The following CDH20 variants were observed in gnomAD, a reference collection of about 807,000 sequenced individuals.
CDH20 encodes cadherin 20.
In CDH20, 29 loss-of-function variants were observed where a neutral mutation model predicts 74.2. The ratio of observed to expected loss-of-function variants is 0.39; its 90% CI spans 0.29 to 0.53. The LOEUF (loss-of-function observed/expected upper bound fraction) is 0.53. Ranked by LOEUF, CDH20 falls within the 20% of genes least tolerant of loss-of-function variation. CDH20 has a pLI of 0.69. For synonymous variants in CDH20, 469 were observed against 405.4 expected (o/e 1.16, Z -1.88); for missense variants, 988 against 1,048.3 (o/e 0.94, Z 0.79).
intron 4 of CDH20, among the ~76,000 whole-genome samples, chr18:61,502,111 T>C (rs1242843054): frequency 1.3e-5 from 2 of 152,218 alleles, no homozygotes; most frequent in African/African-American, 4.8e-5. Flanking sequence ...GTTGTAAAGC[T>C]GTAGTAAGTA....
chr18:61,434,888 A>G (rs1908780450), intron 1 of CDH20, among the ~76,000 whole-genome samples: 2 of 152,164 alleles, frequency 1.3e-5, no homozygotes, highest in Non-Finnish European at 2.9e-5. Flanking sequence ...TTCCTTTAGA[A>G]TATTTTCTCT....
intron 1 of CDH20, among the ~76,000 whole-genome samples, chr18:61,479,670 CCCCT>C (rs1376990792): frequency 6.6e-6 from 1 of 151,868 alleles, no homozygotes; most frequent in Non-Finnish European, 1.5e-5. Flanking sequence ...CTATTTTTCC[CCCCT>C]AATGCTCAAA....
chr18:61,423,436 A>G (rs1475510765), intron 1 of CDH20, among the ~76,000 whole-genome samples: 1 of 152,076 alleles, frequency 6.6e-6, no homozygotes, highest in Non-Finnish European at 1.5e-5. Context: ...GTACAATCCC[A>G]TTCACTTGTT....
At chr18:61,489,110 C>T (rs1910870122) in intron 1 of CDH20, among the ~76,000 whole-genome samples, 1 of 152,232 alleles carries the variant, frequency 6.6e-6, no homozygotes, top group Non-Finnish European at 1.5e-5. Flanking sequence ...ATAGTCTCCT[C>T]AGCTACTTTC....
At chr18:61,417,578 T>C (rs1272885081) in intron 1 of CDH20, among the ~76,000 whole-genome samples, 1 of 62,364 alleles carries the variant, frequency 1.6e-5, no homozygotes. Flanking sequence ...ATGTGGGAGC[T>C]AAAAAAAAAA....
chr18:61,497,040 G>C (rs1316896506), intron 2 of CDH20, among the ~76,000 whole-genome samples: 2 of 144,406 alleles, frequency 1.4e-5, no homozygotes, highest in Non-Finnish European at 3.0e-5. Context: ...TACACAACAA[G>C]AGATGGGCAC....
chr18:61,519,707 C>T (rs565125036), intron 6 of CDH20, among the ~76,000 whole-genome samples: 5 of 151,214 alleles, frequency 3.3e-5, no homozygotes, highest in African/African-American at 9.8e-5. Flanking sequence ...GAAGAAACTG[C>T]AACAACTAAC....
chr18:61,534,892 C>T (rs1048368758), intron 7 of CDH20, among the ~76,000 whole-genome samples: 1 of 151,832 alleles, frequency 6.6e-6, no homozygotes, highest in African/African-American at 2.4e-5. Flanking sequence ...GGTATCATTG[C>T]AAAAAACAAA....
intron 6 of CDH20, among the ~76,000 whole-genome samples, chr18:61,509,522 T>C (rs943090747): frequency 6.6e-6 from 1 of 151,894 alleles, no homozygotes; most frequent in Non-Finnish European, 1.5e-5. Context: ...TAAGGCTGAG[T>C]GGAGGGGGGA....
At chr18:61,468,568 C>A (rs185267640) in intron 1 of CDH20, among the ~76,000 whole-genome samples, 1 of 152,152 alleles carries the variant, frequency 6.6e-6, no homozygotes, top group East Asian at 1.9e-4. Context: ...TCTCTAGTAT[C>A]CCTTTTTCCC....
At chr18:61,466,505 G>T (rs1909967032) in intron 1 of CDH20, among the ~76,000 whole-genome samples, 1 of 152,156 alleles carries the variant, frequency 6.6e-6, no homozygotes, top group South Asian at 2.1e-4. Context: ...GGGCCGTCTT[G>T]TTACGACTTT....
At chr18:61,508,378 A>G (rs1277525991) in intron 6 of CDH20, among the ~76,000 whole-genome samples, 1 of 152,238 alleles carries the variant, frequency 6.6e-6, no homozygotes, top group Admixed American at 6.5e-5. Context: ...ACATCAAGTC[A>G]CTAAAGTAGT....
At chr18:61,547,394 C>T (rs1314790639) in intron 10 of CDH20, among the ~76,000 whole-genome samples, 2 of 152,206 alleles carry the variant, frequency 1.3e-5, no homozygotes, top group Admixed American at 6.5e-5. Flanking sequence ...ACCTCTGTTC[C>T]TGTGCCTGAA....
At chr18:61,341,288 A>T (rs566786240) in intron 1 of CDH20, among the ~76,000 whole-genome samples, 47 of 152,274 alleles carry the variant, frequency 3.1e-4, no homozygotes, top group African/African-American at 1.0e-3. Flanking sequence ...TGAGCTGCAG[A>T]CTGCTATCAT....
intron 1 of CDH20, among the ~76,000 whole-genome samples, chr18:61,466,836 A>G (rs1909978130): frequency 6.6e-6 from 1 of 152,192 alleles, no homozygotes; most frequent in South Asian, 2.1e-4. Context: ...AACAAGGAGC[A>G]AGAGCCTGCC....
At chr18:61,484,170 T>C (rs1029840908) in intron 1 of CDH20, among the ~76,000 whole-genome samples, 8 of 152,210 alleles carry the variant, frequency 5.3e-5, no homozygotes, top group Admixed American at 1.3e-4. Context: ...TTTAAATACA[T>C]GCTTTTTATA....
chr18:61,402,663 C>T lies in CDH20; in HGVS notation c.-153+68836C>T, dbSNP rs181161110. Among the ~76,000 whole-genome samples, 30 of 152,160 alleles carry T rather than the reference C, an allele frequency of 2.0e-4. No homozygotes were observed. In the East Asian group the frequency reaches 5.4e-3, roughly 27 times the overall value. Reference sequence around the variant, plus strand: ...CAGGTACTATAACCTGAGAAGAGTACCATTAGGGTACCATTTAGAAAATTC... The same window carrying T: ...CAGGTACTATAACCTGAGAAGAGTATCATTAGGGTACCATTTAGAAAATTC... On this transcript the variant is annotated intron_variant, in intron 1 of 11. Transcript: ENST00000262717.
intron 2 of CDH20, among the ~76,000 whole-genome samples, chr18:61,495,124 G>A (rs185838932): frequency 9.9e-5 from 15 of 152,274 alleles, no homozygotes; most frequent in Non-Finnish European, 8.8e-5. Context: ...CAAGATGTAC[G>A]TAACTGTGCT....
At chr18:61,537,493 T>TA (rs1297792704) in intron 8 of CDH20, among the ~76,000 whole-genome samples, 33 of 152,304 alleles carry the variant, frequency 2.2e-4, no homozygotes, top group African/African-American at 7.9e-4. Flanking sequence ...GACAATATAA[T>TA]ACAGATGCTT....
Sources: allele counts gnomAD v4.1 joint callset (sites outside exome capture counted in the v4.1 genomes callset), GRCh38; gene constraint gnomAD v4.1.1; transcripts MANE v1.5; gene names NCBI Gene and HGNC (gene_info 2026-07-23, HGNC 2026-07-21).